The following ARFGAP3 variants were observed in gnomAD, a reference collection of about 807,000 sequenced individuals.
ARFGAP3 encodes the protein ARF GTPase activating protein 3, also known as ADP-ribosylation factor GTPase-activating protein 3.
Under a neutral mutation model 75.0 loss-of-function variants are expected in ARFGAP3, and 72 were observed. The observed-to-expected ratio is 0.96, with a 90% CI of 0.79 to 1.17. ARFGAP3 has a LOEUF of 1.17. ARFGAP3 is among the 50% of genes most tolerant of loss of function. The probability of loss-of-function intolerance (pLI) is 0.00; values close to 1 mark genes in which losing one functional copy is unlikely to be tolerated. For synonymous variants in ARFGAP3, 221 were observed against 217.9 expected, an observed-to-expected ratio of 1.01 and a Z score of -0.13; for missense variants, 620 against 626.6, an observed-to-expected ratio of 0.99 and a Z score of 0.11.
At chr22:42,846,814 A>G (rs886135884) in intron 2 of ARFGAP3, among the ~76,000 whole-genome samples, 1 of 152,228 alleles carries the variant, frequency 6.6e-6, no homozygotes, top group South Asian at 2.1e-4. Flanking sequence ...TGTACTGCCG[A>G]ATTATTAGAA....
chr22:42,825,227 C>T (rs1925985074), intron 7 of ARFGAP3, among the ~76,000 whole-genome samples: 1 of 152,028 alleles, frequency 6.6e-6, no homozygotes, highest in South Asian at 2.1e-4. Flanking sequence ...TGCACTCCAG[C>T]ATGGGCAATA....
At chr22:42,832,149 C>T (rs1432758095) in intron 5 of ARFGAP3, among the ~76,000 whole-genome samples, 1 of 124,682 alleles carries the variant, frequency 8.0e-6, no homozygotes, top group African/African-American at 3.1e-5. Flanking sequence ...TAAGTATGTG[C>T]AAATTATAAT....
intron 14 of ARFGAP3, among the ~76,000 whole-genome samples, chr22:42,806,333 G>GC (rs1569136170): frequency 6.6e-6 from 1 of 151,658 alleles, no homozygotes; most frequent in African/African-American, 2.4e-5. Context: ...TCAGGGGGAG[G>GC]GGAAGTCGAA....
chr22:42,804,062 C>T (rs1925004693), intron 14 of ARFGAP3, among the ~76,000 whole-genome samples: 2 of 151,724 alleles, frequency 1.3e-5, no homozygotes. Flanking sequence ...CACCACCATG[C>T]CTGGCTAATT....
chr22:42,849,648 C>T (rs1219204109), intron 1 of ARFGAP3, among the ~76,000 whole-genome samples: 5 of 150,596 alleles, frequency 3.3e-5, no homozygotes, highest in African/African-American at 4.9e-5. Flanking sequence ...ACTGCAGTCT[C>T]GAACTCTTGA....
chr22:42,816,896 C>G (rs913248963), intron 11 of ARFGAP3, among the ~76,000 whole-genome samples: 5 of 152,302 alleles, frequency 3.3e-5, no homozygotes, highest in African/African-American at 4.8e-5. Flanking sequence ...GCACATCTCT[C>G]CTACCTCTAA....
chr22:42,843,144 T>C (rs556088869), intron 2 of ARFGAP3, among the ~76,000 whole-genome samples: 3 of 151,860 alleles, frequency 2.0e-5, no homozygotes, highest in African/African-American at 7.2e-5. Flanking sequence ...CTCTTCCTGA[T>C]GCTGTCTCCT....
chr22:42,797,536 T>C lies in ARFGAP3; in HGVS notation c.*52A>G. 6.2e-7 allele frequency: 1 copy of C among 1,612,972 alleles called. No individual in the cohort carries two copies. Among genetic ancestry groups the C allele is most frequent in the Non-Finnish European group, 8.5e-7 (1 of 1,179,000 alleles). On this transcript the variant is annotated 3_prime_UTR_variant, in exon 16 of 16. Coordinates refer to ENST00000263245, the MANE Select transcript of ARFGAP3 (RefSeq NM_014570.5). ...TCACTGCCGCCTGAGATGTGGTTAC[T>C]TGTTCATTTAAAGAGGAATTTCTCC...
chr22:42,805,211 T>G (rs1345222398), intron 14 of ARFGAP3, among the ~76,000 whole-genome samples: 7 of 152,134 alleles, frequency 4.6e-5, no homozygotes, highest in African/African-American at 1.7e-4. Flanking sequence ...TCAAAAAAAT[T>G]TAATGGATCT....
intron 14 of ARFGAP3, among the ~76,000 whole-genome samples, chr22:42,804,182 G>C (rs1925009520): frequency 6.6e-6 from 1 of 151,056 alleles, no homozygotes; most frequent in Non-Finnish European, 1.5e-5. Context: ...GGATTATAGG[G>C]GTGAGCCACC....
intron 2 of ARFGAP3, among the ~76,000 whole-genome samples, chr22:42,842,011 C>CTTGTTTTTTTTTTTTTTTTTTTTTT (rs1926801966): frequency 1.1e-5 from 1 of 91,274 alleles, no homozygotes; most frequent in Non-Finnish European, 2.0e-5. Flanking sequence ...CCATGCCGGG[C>CTTGTTTTTTTTTTTTTTTTTTTTTT]TTTTTTTTTT....
At chr22:42,846,431 G>A (rs1232619581) in intron 2 of ARFGAP3, among the ~76,000 whole-genome samples, 1 of 152,186 alleles carries the variant, frequency 6.6e-6, no homozygotes, top group African/African-American at 2.4e-5. Context: ...CCACTGGACT[G>A]TGGGGTTATC....
chr22:42,839,597 C>CAAAAAA (rs61512605), intron 3 of ARFGAP3, among the ~76,000 whole-genome samples: 1 of 112,344 alleles, frequency 8.9e-6, no homozygotes, highest in Admixed American at 8.9e-5. Flanking sequence ...AACTCTGTCT[C>CAAAAAA]AAAAAAAAAA....
At chr22:42,806,179 C>T (rs1925113522) in intron 14 of ARFGAP3, among the ~76,000 whole-genome samples, 1 of 152,150 alleles carries the variant, frequency 6.6e-6, no homozygotes, top group Admixed American at 6.5e-5. Context: ...AGAGTCATCC[C>T]TCCCCTTGGC....
At chr22:42,821,695 C>T (rs987515341) in intron 9 of ARFGAP3, among the ~76,000 whole-genome samples, 5 of 152,156 alleles carry the variant, frequency 3.3e-5, no homozygotes, top group Admixed American at 6.6e-5. Flanking sequence ...CATTCATGCA[C>T]GAGTTTGTGT....
intron 5 of ARFGAP3, among the ~76,000 whole-genome samples, chr22:42,833,232 T>G (rs1926374324): frequency 6.6e-6 from 1 of 152,172 alleles, no homozygotes; most frequent in Non-Finnish European, 1.5e-5. Flanking sequence ...TCCAATAGCT[T>G]TGAGATAATA....
intron 11 of ARFGAP3, among the ~76,000 whole-genome samples, chr22:42,811,662 G>A (rs190264796): frequency 1.3e-5 from 2 of 152,224 alleles, no homozygotes; most frequent in African/African-American, 4.8e-5. Flanking sequence ...CAGTAAACTT[G>A]ATCTGATTTG....
At chr22:42,842,666 C>A (rs1469940659) in intron 2 of ARFGAP3, among the ~76,000 whole-genome samples, 1 of 152,018 alleles carries the variant, frequency 6.6e-6, no homozygotes, top group Non-Finnish European at 1.5e-5. Context: ...CCAGGCTAGT[C>A]TCGAACTCCT....
chr22:42,822,076 CAG>C (rs977327905), intron 9 of ARFGAP3, among the ~76,000 whole-genome samples, 192 bp downstream of exon 9: 2 of 152,160 alleles, frequency 1.3e-5, no homozygotes, highest in East Asian at 1.9e-4. Context: ...ACAGCCTCAG[CAG>C]AGTGTTGCTG....
Sources: gnomAD v4.1 joint callset for allele counts (sites outside exome capture counted in the v4.1 genomes callset) on GRCh38, gnomAD v4.1.1 for gene constraint, MANE v1.5 for transcripts, NCBI Gene and HGNC (gene_info 2026-07-23, HGNC 2026-07-21) for gene names.